Variants in PRR33 observed in about 807,000 individuals in gnomAD.
PRR33 encodes the protein proline rich 33.
In PRR33, 1 loss-of-function variant was observed where a neutral mutation model predicts 0.5. The observed-to-expected ratio is 2.18, with a 90% CI of 0.77 to 10.34. PRR33 has a LOEUF of 10.34. Among genes scored for constraint, PRR33 ranks in the 30% most tolerant of loss-of-function variants. The probability of loss-of-function intolerance (pLI) is 0.13; values close to 1 mark genes in which losing one functional copy is unlikely to be tolerated. For missense variants in PRR33, 552 were observed against 251.8 expected (o/e 2.19, Z -8.07); for synonymous variants, 226 against 110.0 (o/e 2.06, Z -6.60).
chr11:1,889,272 C>T (rs972647187), exon 1 of PRR33: 78 of 684,436 alleles, frequency 1.1e-4, no homozygotes, highest in Non-Finnish European at 1.7e-4. Context: ...GAAGCGAGGC[C>T]GGTACAGGAA....
upstream of PRR33, among the ~76,000 whole-genome samples, chr11:1,894,222 G>GGTGTGT (rs1849098640): frequency 1.0e-5 from 1 of 95,498 alleles, no homozygotes; most frequent in Non-Finnish European, 2.3e-5. Flanking sequence ...TGGGAGTGTG[G>GGTGTGT]GAGTGTGTGT....
upstream of PRR33, among the ~76,000 whole-genome samples, chr11:1,893,449 C>CTGGCTGGA (rs1554978008): frequency 8.0e-4 from 116 of 145,502 alleles, no homozygotes; most frequent in African/African-American, 2.8e-3. Context: ...GGCTGGCTGG[C>CTGGCTGGA]TGGATGGATG....
the PRR33 span, among the ~76,000 whole-genome samples, chr11:1,899,497 T>C: frequency 6.6e-6 from 1 of 152,196 alleles, no homozygotes; most frequent in African/African-American, 2.4e-5. Flanking sequence ...CATTAAGGCC[T>C]AGGAGCCTTT....
chr11:1,911,221 G>T, the PRR33 span, among the ~76,000 whole-genome samples: 1 of 152,112 alleles, frequency 6.6e-6, no homozygotes, highest in African/African-American at 2.4e-5. Context: ...GAGGAGGGTG[G>T]ATCACCTGAG....
chr11:1,904,204 C>T, the PRR33 span, among the ~76,000 whole-genome samples: 2 of 152,194 alleles, frequency 1.3e-5, no homozygotes, highest in Admixed American at 6.5e-5. Context: ...GGAAGCTCTA[C>T]GCCAGATCCA....
chr11:1,891,966 C>G (rs1044563201), upstream of PRR33: 11 of 152,422 alleles, frequency 7.2e-5, no homozygotes, highest in Admixed American at 2.0e-4. Flanking sequence ...CCCTTCCACT[C>G]TCTGACCACC....
At chr11:1,902,225 C>CT in the PRR33 span, among the ~76,000 whole-genome samples, 1 of 134,770 alleles carries the variant, frequency 7.4e-6, no homozygotes, top group African/African-American at 2.9e-5. Flanking sequence ...GAGTGAGACT[C>CT]TATCTCAAAA....
the PRR33 span, among the ~76,000 whole-genome samples, chr11:1,908,094 A>G: frequency 7.2e-5 from 11 of 152,324 alleles, no homozygotes; most frequent in Middle Eastern, 3.4e-3. Flanking sequence ...GAAGACTCCA[A>G]GGATAAGAGC....
exon 1 of PRR33, chr11:1,889,845 A>G: frequency 4.7e-6 from 3 of 634,412 alleles, no homozygotes; most frequent in Non-Finnish European, 8.6e-6. Flanking sequence ...CGGCCGTGGT[A>G]CAGGGGGCTC....
exon 1 of PRR33, chr11:1,889,459 C>T (rs993746568): frequency 3.1e-6 from 2 of 635,108 alleles, no homozygotes; most frequent in Middle Eastern, 2.5e-4. Flanking sequence ...GGGGCAGGCA[C>T]CTCCTGCTCT....
At chr11:1,916,466 C>T in the PRR33 span, among the ~76,000 whole-genome samples, 181 of 150,386 alleles carry the variant, frequency 1.2e-3, 3 homozygotes, top group East Asian at 0.031. Flanking sequence ...AGGATCCAGG[C>T]CACCCTCCCC....
chr11:1,912,000 A>T, the PRR33 span, among the ~76,000 whole-genome samples: 1 of 2,890 alleles, frequency 3.5e-4, no homozygotes, highest in East Asian at 0.013. Context: ...CCCCATCTCT[A>T]AAAAAAAAAA....
the PRR33 span, among the ~76,000 whole-genome samples, chr11:1,914,374 T>TG: frequency 7.4e-5 from 11 of 148,060 alleles, no homozygotes; most frequent in Admixed American, 4.0e-4. Flanking sequence ...ATGTTGCTCC[T>TG]TATGTGTGTG....
chr11:1,908,150 A>G, the PRR33 span, among the ~76,000 whole-genome samples: 1 of 152,212 alleles, frequency 6.6e-6, no homozygotes, highest in East Asian at 1.9e-4. Context: ...GCCAGGGCCA[A>G]AGACGCTTTG....
At chr11:1,909,469 G>A in the PRR33 span, among the ~76,000 whole-genome samples, 1 of 152,058 alleles carries the variant, frequency 6.6e-6, no homozygotes, top group Admixed American at 6.6e-5. Context: ...AAATTAGCCG[G>A]GCGTGGTGGC....
At chr11:1,897,339 T>C in the PRR33 span, among the ~76,000 whole-genome samples, 2 of 152,194 alleles carry the variant, frequency 1.3e-5, no homozygotes, top group African/African-American at 4.8e-5. This position sits in a 1 kb window ranked among gnomAD's most constrained non-coding sequence, Gnocchi z 4.0. Context: ...CAAGCCCCAC[T>C]GGGAAATAGC....
At chr11:1,903,588 G>T in the PRR33 span, among the ~76,000 whole-genome samples, 1 of 152,182 alleles carries the variant, frequency 6.6e-6, no homozygotes, top group African/African-American at 2.4e-5. Context: ...AAGTGCAGTG[G>T]TGTTCACTTG....
chr11:1,905,731 G>A, the PRR33 span, among the ~76,000 whole-genome samples: 1 of 152,018 alleles, frequency 6.6e-6, no homozygotes, highest in African/African-American at 2.4e-5. Flanking sequence ...TGGGATTACA[G>A]GTGTGAGCCA....
chr11:1,914,845 A>AT, the PRR33 span, among the ~76,000 whole-genome samples: 1 of 92,904 alleles, frequency 1.1e-5, no homozygotes, highest in East Asian at 3.7e-4. Flanking sequence ...ACAAACCTGG[A>AT]GATGTTTCTG....
Sources: gnomAD v4.1 joint callset for allele counts (sites outside exome capture counted in the v4.1 genomes callset) on GRCh38, gnomAD v4.1.1 for gene constraint, Gnocchi (gnomAD v3.1) non-coding constraint, MANE v1.5 for transcripts, NCBI Gene and HGNC (gene_info 2026-07-23, HGNC 2026-07-21) for gene names.